Variants in CADM2 observed in about 807,000 individuals in gnomAD.
The protein encoded by CADM2 is cell adhesion molecule 2.
In CADM2, 12 loss-of-function variants were observed where a neutral mutation model predicts 49.8. The ratio of observed to expected loss-of-function variants is 0.24; its 90% CI spans 0.15 to 0.39. The LOEUF is 0.39. CADM2 is among the 10% of genes least tolerant of loss of function. CADM2 has a pLI of 1.00. For synonymous variants in CADM2, 214 were observed against 175.4 expected, an observed-to-expected ratio of 1.22 and a Z score of -1.74; for missense variants, 378 against 492.3, an observed-to-expected ratio of 0.77 and a Z score of 2.20.
chr3:85,604,606 G>C (rs1408260516), intron 1 of CADM2, among the ~76,000 whole-genome samples: 1 of 151,966 alleles, frequency 6.6e-6, no homozygotes, highest in Non-Finnish European at 1.5e-5. Context: ...GATGATTTAT[G>C]CTTTCAGAAA....
At chr3:85,425,570 C>G (rs143466361) in intron 1 of CADM2, among the ~76,000 whole-genome samples, 1 of 152,264 alleles carries the variant, frequency 6.6e-6, no homozygotes, top group African/African-American at 2.4e-5. Context: ...TATATTCTCG[C>G]TATGGTGCTA....
intron 1 of CADM2, among the ~76,000 whole-genome samples, chr3:85,337,561 A>G (rs946569302): frequency 6.6e-6 from 1 of 151,462 alleles, no homozygotes; most frequent in East Asian, 1.9e-4. Context: ...TCTGCTCGCA[A>G]CTGAACCTGC....
chr3:85,476,337 A>G lies in CADM2; in HGVS notation c.62-250185A>G, dbSNP rs1018256710. ...AGTTGCATATAAATACCTTCCCTGT[A>G]TTAAACTCTAAATGTTAGAGTTTAG... On this transcript the variant is annotated intron_variant, in intron 1 of 9. Transcript: ENST00000383699. Among the ~76,000 whole-genome samples, 5 of 151,950 alleles carry G rather than the reference A, an allele frequency of 3.3e-5. No individual in the cohort carries two copies. In the East Asian group the frequency reaches 7.7e-4, roughly 23 times the overall value.
chr3:85,034,404 T>A (rs889056371), intron 1 of CADM2, among the ~76,000 whole-genome samples: 4 of 152,192 alleles, frequency 2.6e-5, no homozygotes, highest in South Asian at 2.1e-4. Flanking sequence ...CCAGTTCTAT[T>A]TATGTTGCTG....
chr3:84,960,792 G>A (rs2030435417), intron 1 of CADM2, among the ~76,000 whole-genome samples: 1 of 152,122 alleles, frequency 6.6e-6, no homozygotes, highest in Non-Finnish European at 1.5e-5. Flanking sequence ...GGACGATGCT[G>A]ATTATGAAAT....
At position 86,074,223 on chromosome 3, in the gene CADM2, T is replaced by C. The variant is rs762852356; in HGVS notation, c.*7440T>C. 4.6e-5 allele frequency: 7 copies of C among 151,994 alleles called. No homozygotes were observed. The highest frequency in any genetic ancestry group is 1.0e-4 in the Non-Finnish European group (7 of 67,874). 9.4% of individuals were successfully genotyped at this position (151,994 alleles called of 1,614,324 possible). Reference sequence around the variant, plus strand: ...CAACCTAAGCTTCTGCCAATAAGGATTTCAGATAAGCTTTTAAATTTATGG... The same window carrying C: ...CAACCTAAGCTTCTGCCAATAAGGACTTCAGATAAGCTTTTAAATTTATGG... On this transcript the variant is annotated 3_prime_UTR_variant, in exon 10 of 10. Coordinates refer to ENST00000383699, the MANE Select transcript of CADM2 (RefSeq NM_001167675.2).
chr3:85,850,364 G>A (rs1037925500), intron 3 of CADM2, among the ~76,000 whole-genome samples: 3 of 118,404 alleles, frequency 2.5e-5, no homozygotes, highest in Non-Finnish European at 1.6e-5. Flanking sequence ...TCGCTCCGTC[G>A]CCCAGGCTGG....
At position 85,855,616 on chromosome 3, in the gene CADM2, TA is replaced by T. The variant is rs1178082446; in HGVS notation, c.239-27671del. Among the ~76,000 whole-genome samples the T allele has an allele frequency of 2.1e-3, 85 of 40,866 alleles. 3 individuals are homozygous for T. The highest frequency in any genetic ancestry group is 2.6e-3 in the Admixed American group (10 of 3,800). The allele number at this position is 40,866 out of a possible 152,430, so 26.8% of individuals were successfully genotyped here. A position where few individuals can be genotyped will look rare whatever the true frequency, so the allele number is the denominator to read the frequency against. On this transcript the variant is annotated intron_variant, in intron 3 of 9. Coordinates refer to ENST00000383699, the MANE Select transcript of CADM2 (RefSeq NM_001167675.2). The stretch of plus-strand genomic sequence containing the variant: ...TATATATAAAACATATATATATATA[TA>T]AAACATATATATATATATATATATT...
intron 3 of CADM2, among the ~76,000 whole-genome samples, chr3:85,868,768 T>C (rs938184983): frequency 1.3e-5 from 2 of 152,158 alleles, no homozygotes; most frequent in African/African-American, 4.8e-5. Flanking sequence ...TTCTCTTGTA[T>C]GTACTACCTT....
intron 1 of CADM2, among the ~76,000 whole-genome samples, chr3:85,494,176 T>A (rs2039790027): frequency 6.6e-6 from 1 of 152,138 alleles, no homozygotes; most frequent in Non-Finnish European, 1.5e-5. Flanking sequence ...TGTAAAAATT[T>A]AAAAAGAAAA....
chr3:85,344,963 A>G (rs1462203440), intron 1 of CADM2, among the ~76,000 whole-genome samples: 2 of 152,156 alleles, frequency 1.3e-5, no homozygotes, highest in African/African-American at 2.4e-5. Flanking sequence ...TTCCCATTTT[A>G]GCAATCTAAC....
intron 3 of CADM2, among the ~76,000 whole-genome samples, chr3:85,859,944 A>G (rs2075460414): frequency 6.6e-6 from 1 of 152,146 alleles, no homozygotes; most frequent in Non-Finnish European, 1.5e-5. Context: ...TTCTCCTTGA[A>G]GTGAGATTTT....
At chr3:85,760,276 G>A (rs779301992) in intron 2 of CADM2, among the ~76,000 whole-genome samples, 15 of 151,730 alleles carry the variant, frequency 9.9e-5, no homozygotes, top group South Asian at 2.1e-4. Flanking sequence ...ATTTGCAGGC[G>A]TAACTTGCAC....
chr3:85,402,417 A>G (rs1352440720), intron 1 of CADM2, among the ~76,000 whole-genome samples: 1 of 152,066 alleles, frequency 6.6e-6, no homozygotes, highest in South Asian at 2.1e-4. Flanking sequence ...TTGCTCACAT[A>G]TATTTATTAG....
intron 6 of CADM2, among the ~76,000 whole-genome samples, chr3:85,924,803 G>C (rs1719615947): frequency 1.3e-5 from 2 of 151,876 alleles, no homozygotes; most frequent in South Asian, 4.2e-4. Context: ...TTAAATATTG[G>C]TTCTTTACCT....
rs111993139 is a variant in CADM2, at chr3:85,217,558, T to C, written c.61+257890T>C. On this transcript the variant is annotated intron_variant, in intron 1 of 9. Transcript: ENST00000383699. Reference sequence around the variant, plus strand: ...CTACATTTATGTATTAAATCTGTGATAATTTTCTTATGAATGGAAACAAAT... The same window carrying C: ...CTACATTTATGTATTAAATCTGTGACAATTTTCTTATGAATGGAAACAAAT... 9.3e-3 allele frequency among the ~76,000 whole-genome samples: 1,422 copies of C among 152,212 alleles called. 11 individuals are homozygous for C. The highest frequency in any genetic ancestry group is 0.015 in the Non-Finnish European group (1,001 of 67,906).
In CADM2 at chr3:85,850,314, C is replaced by CTT. The variant is rs577604958; in HGVS notation, c.239-32950_239-32949dup. On this transcript the variant is annotated intron_variant, in intron 3 of 9. Transcript: ENST00000383699. ...CTCTCTGTTCTGGTCTGTTGCAATTCTTTTTTTTTTTTTTTTTTTTTTTTT... is the reference window on the plus strand; with the variant it reads ...CTCTCTGTTCTGGTCTGTTGCAATTCTTTTTTTTTTTTTTTTTTTTTTTTTTT... Among the ~76,000 whole-genome samples the CTT allele has an allele frequency of 8.9e-4, 68 of 76,072 alleles. 2 individuals are homozygous for CTT. Among genetic ancestry groups the CTT allele is most frequent in the East Asian group, 4.4e-3 (12 of 2,726 alleles). 49.9% of individuals were successfully genotyped at this position (76,072 alleles called of 152,430 possible).
At chr3:85,305,015 T>C (rs558899330) in intron 1 of CADM2, among the ~76,000 whole-genome samples, 15 of 151,692 alleles carry the variant, frequency 9.9e-5, no homozygotes, top group Non-Finnish European at 2.2e-4. Context: ...CCATAGCAAT[T>C]GACAGTTTAC....
At chr3:85,018,590 G>A (rs955644869) in intron 1 of CADM2, among the ~76,000 whole-genome samples, 1 of 151,924 alleles carries the variant, frequency 6.6e-6, no homozygotes, top group Admixed American at 6.6e-5. Context: ...CCTGACCTCA[G>A]GTGATCCACC....
Sources: allele counts gnomAD v4.1 joint callset (sites outside exome capture counted in the v4.1 genomes callset), GRCh38; gene constraint gnomAD v4.1.1; transcripts MANE v1.5; gene names NCBI Gene and HGNC (gene_info 2026-07-23, HGNC 2026-07-21).